The following FREM2 variants were observed in gnomAD, a reference collection of about 807,000 sequenced individuals.
FREM2 encodes FRAS1-related extracellular matrix protein 2.
FREM2 carries 119 observed loss-of-function variants against 219.9 expected under a neutral mutation model. That is an observed-to-expected ratio of 0.54 (90% confidence interval 0.47 to 0.63). The LOEUF (loss-of-function observed/expected upper bound fraction) is 0.63, where lower values mean the gene tolerates loss of function less well. Among genes scored for constraint, FREM2 ranks in the 30% least tolerant of loss-of-function variants. The pLI is 0.00. For synonymous variants in FREM2, 1,562 were observed against 1,522.8 expected (o/e 1.03, Z -0.60); for missense variants, 4,030 against 3,993.6 (o/e 1.01, Z -0.25).
At chr13:38,713,885 A>G (rs1026897815) in intron 2 of FREM2, among the ~76,000 whole-genome samples, 1 of 152,208 alleles carries the variant, frequency 6.6e-6, no homozygotes, top group East Asian at 1.9e-4. Context: ...ACTTGGGGGA[A>G]AGGGGTAGAA....
Position 38,691,467 on chromosome 13 carries a change from G to A in FREM2, c.4123G>A (p.Val1375Ile), listed in dbSNP as rs1236995955. Reference sequence around the variant, plus strand: ...GGGCATGAATTTTACCCAGGATGAAGTAGACAGAAACTTAATTCAGTATGT... The same window carrying A: ...GGGCATGAATTTTACCCAGGATGAAATAGACAGAAACTTAATTCAGTATGT... ...TLGMNFTQDE[V>I]DRNLIQYVHL... The change falls in exon 1 of 24, where the codon GTA (valine) becomes ATA (isoleucine). Residue 1375 changes from valine (V) to isoleucine (I), a missense_variant. Transcript: ENST00000280481. 1 of 1,614,188 alleles carries A rather than the reference G, an allele frequency of 6.2e-7. No homozygotes were observed. The highest frequency in any genetic ancestry group is 2.2e-5 in the East Asian group (1 of 44,890).
At chr13:38,797,751 T>TA (rs1218561971) in intron 6 of FREM2, among the ~76,000 whole-genome samples, 7 of 152,106 alleles carry the variant, frequency 4.6e-5, no homozygotes, top group African/African-American at 1.7e-4. Context: ...TCTTAGTTTT[T>TA]ATAGTTTTAT....
chr13:38,688,256 G>C lies in FREM2; in HGVS notation c.912G>C (p.Gln304His), dbSNP rs199563252. 1.2e-5 allele frequency: 20 copies of C among 1,613,926 alleles called. No individual in the cohort carries two copies. The highest frequency in any genetic ancestry group is 8.5e-7 in the Non-Finnish European group (1 of 1,180,052). Reference sequence around the variant, plus strand: ...CTGCTTTGAAACGCGAGCACTTCCAGGTTCTGGTGAGGATCCGAGGAGGGG... The same window carrying C: ...CTGCTTTGAAACGCGAGCACTTCCACGTTCTGGTGAGGATCCGAGGAGGGG... ...GSPALKREHF[Q>H]VLVRIRGGAE... The change falls in exon 1 of 24, where the codon CAG becomes CAC. Residue 304 changes from glutamine (Q) to histidine (H), a missense_variant. This residue lies in a region of FREM2 where 3,102 missense variants were observed against 2,950.7 expected (regional missense o/e 1.05). Coordinates refer to ENST00000280481, the MANE Select transcript of FREM2 (RefSeq NM_207361.6).
Position 38,690,542 on chromosome 13 carries a change from C to CCCAGAA in FREM2, c.3199_3204dup (p.Pro1067_Glu1068dup). The CCCAGAA allele has an allele frequency of 6.2e-7, 1 of 1,614,024 alleles. No homozygotes were observed. On this transcript the variant is annotated inframe_insertion, in exon 1 of 24. Coordinates refer to ENST00000280481, the MANE Select transcript of FREM2 (RefSeq NM_207361.6). ...CCATCCTGCCTGTTGATAGCCAGGC[C>CCCAGAA]CCAGAAATCTTTGTAGGTGAACAGT...
intron 16 of FREM2, among the ~76,000 whole-genome samples, chr13:38,870,895 A>G (rs997558205): frequency 1.4e-4 from 22 of 152,256 alleles, no homozygotes; most frequent in African/African-American, 5.3e-4. Flanking sequence ...CTTAGCACCT[A>G]TAAAGCTTAA....
chr13:38,728,077 G>T (rs576949277), intron 2 of FREM2, among the ~76,000 whole-genome samples: 23 of 152,278 alleles, frequency 1.5e-4, no homozygotes, highest in South Asian at 1.0e-3. Context: ...GATATATTTA[G>T]ATCAATGAGG....
At chr13:38,716,351 A>G (rs1871000557) in intron 2 of FREM2, among the ~76,000 whole-genome samples, 1 of 152,162 alleles carries the variant, frequency 6.6e-6, no homozygotes. Context: ...ATCAGCCTGC[A>G]TCCAGCTTTC....
At chr13:38,785,432 C>T (rs978238028) in intron 6 of FREM2, among the ~76,000 whole-genome samples, 3 of 152,130 alleles carry the variant, frequency 2.0e-5, no homozygotes, top group African/African-American at 4.8e-5. Context: ...AGAGAGCAAA[C>T]GGAAATATTG....
At chr13:38,756,683 A>G (rs1226576734) in intron 2 of FREM2, among the ~76,000 whole-genome samples, 2 of 151,844 alleles carry the variant, frequency 1.3e-5, no homozygotes, top group African/African-American at 2.4e-5. Flanking sequence ...ATGTGCCACC[A>G]TGCCTGGCTA....
intron 6 of FREM2, among the ~76,000 whole-genome samples, chr13:38,822,818 A>G (rs1477879045): frequency 6.6e-6 from 1 of 152,132 alleles, no homozygotes; most frequent in Non-Finnish European, 1.5e-5. Context: ...CCCTGAGGAA[A>G]ATTTTATGAC....
At chr13:38,749,479 A>G (rs932165112) in intron 2 of FREM2, among the ~76,000 whole-genome samples, 8 of 152,238 alleles carry the variant, frequency 5.3e-5, no homozygotes, top group Non-Finnish European at 1.0e-4. Flanking sequence ...TGTTCATGTT[A>G]GGTTATAAAT....
At chr13:38,732,450 A>G (rs1223908250) in intron 2 of FREM2, among the ~76,000 whole-genome samples, 4 of 152,212 alleles carry the variant, frequency 2.6e-5, no homozygotes, top group African/African-American at 9.6e-5. Flanking sequence ...TATGACAGCC[A>G]TTATTTTCAA....
intron 16 of FREM2, among the ~76,000 whole-genome samples, chr13:38,866,424 G>C (rs1184413988): frequency 1.3e-5 from 2 of 152,024 alleles, no homozygotes; most frequent in African/African-American, 4.8e-5. Context: ...CTTGAACCCG[G>C]GAGGCAGAGG....
Position 38,688,977 on chromosome 13 carries a change from G to A in FREM2, c.1633G>A (p.Val545Ile). Residue 545 changes from valine to isoleucine, a missense_variant, in exon 1 of 24, where the codon GTA (valine) becomes ATA (isoleucine). This residue lies in a region of FREM2 where 3,102 missense variants were observed against 2,950.7 expected (regional missense o/e 1.05). Coordinates refer to ENST00000280481, the MANE Select transcript of FREM2 (RefSeq NM_207361.6). ...RMVDGGGRHQVQFLFPITLVP... is the reference protein window; with the variant it reads ...RMVDGGGRHQIQFLFPITLVP... The stretch of plus-strand genomic sequence containing the variant: ...GGTGGATGGAGGAGGCAGGCACCAG[G>A]TACAGTTTCTGTTCCCCATCACCTT... 1 of 1,613,856 alleles carries A rather than the reference G, an allele frequency of 6.2e-7. No homozygotes were observed. Among genetic ancestry groups the A allele is most frequent in the Non-Finnish European group, 8.5e-7 (1 of 1,179,920 alleles).
intron 6 of FREM2, among the ~76,000 whole-genome samples, chr13:38,808,070 C>G (rs987026308): frequency 6.6e-6 from 1 of 151,966 alleles, no homozygotes; most frequent in Non-Finnish European, 1.5e-5. Flanking sequence ...GCTACAGCTT[C>G]TACGTCAGCA....
At chr13:38,832,570 T>C (rs190719567) in intron 6 of FREM2, among the ~76,000 whole-genome samples, 4 of 152,260 alleles carry the variant, frequency 2.6e-5, no homozygotes, top group Admixed American at 2.0e-4. Flanking sequence ...ATGTAGTTTA[T>C]TTTTAATAAG....
intron 11 of FREM2, among the ~76,000 whole-genome samples, chr13:38,854,914 A>G (rs892718686): frequency 2.0e-5 from 3 of 152,196 alleles, no homozygotes; most frequent in Non-Finnish European, 4.4e-5. Context: ...CTGCAGCTAC[A>G]TCAGAAACTG....
chr13:38,818,061 G>A (rs1448597727), intron 6 of FREM2, among the ~76,000 whole-genome samples: 1 of 152,090 alleles, frequency 6.6e-6, no homozygotes, highest in African/African-American at 2.4e-5. Context: ...TGGAGAAAAG[G>A]GAACACTGAC....
At chr13:38,782,141 T>A (rs1874142648) in intron 4 of FREM2, among the ~76,000 whole-genome samples, 1 of 152,228 alleles carries the variant, frequency 6.6e-6, no homozygotes, top group East Asian at 1.9e-4. Context: ...TATCTGCTGT[T>A]CCAGCAGTCT....
Sources: allele counts gnomAD v4.1 joint callset (sites outside exome capture counted in the v4.1 genomes callset), GRCh38; gene constraint gnomAD v4.1.1; regional missense constraint gnomAD v4.1.1; transcripts MANE v1.5; gene names NCBI Gene and HGNC (gene_info 2026-07-23, HGNC 2026-07-21).